MITF: variants seen among roughly 807,000 people sequenced by gnomAD.
MITF encodes the protein microphthalmia-associated transcription factor.
Under a neutral mutation model 60.5 loss-of-function variants are expected in MITF, and 17 were observed. The observed-to-expected ratio is 0.28, with a 90% CI of 0.19 to 0.42. The LOEUF (loss-of-function observed/expected upper bound fraction) is 0.42, where lower values mean the gene tolerates loss of function less well. Among genes scored for constraint, MITF ranks in the 10% least tolerant of loss-of-function variants. MITF has a pLI of 1.00. For missense variants in MITF, 622 were observed against 683.5 expected, an observed-to-expected ratio of 0.91 and a Z score of 1.00; for synonymous variants, 260 against 248.5, an observed-to-expected ratio of 1.05 and a Z score of -0.43.
At chr3:69,796,551 C>T (rs555698368) in intron 1 of MITF, among the ~76,000 whole-genome samples, 2 of 130,876 alleles carry the variant, frequency 1.5e-5, no homozygotes, top group African/African-American at 5.8e-5. Context: ...CCAGGCCGGA[C>T]TGCGGACTGC....
chr3:69,741,678 A>T (rs535182737), intron 1 of MITF, among the ~76,000 whole-genome samples: 37 of 152,356 alleles, frequency 2.4e-4, no homozygotes, highest in South Asian at 4.1e-4. Context: ...AGGCTAAATT[A>T]AAAAAGTTGT....
intron 1 of MITF, among the ~76,000 whole-genome samples, chr3:69,857,358 C>A (rs888017984): frequency 6.6e-6 from 1 of 151,942 alleles, no homozygotes; most frequent in Non-Finnish European, 1.5e-5. Context: ...CCCTGCCCCC[C>A]CCAGTTTCTT....
chr3:69,899,735 A>G (rs2064956136), intron 2 of MITF, among the ~76,000 whole-genome samples: 1 of 152,184 alleles, frequency 6.6e-6, no homozygotes, highest in Non-Finnish European at 1.5e-5. Context: ...AGTCTCCAAG[A>G]AGACTTGGAG....
chr3:69,936,990 T>G, intron 2 of MITF: 1 of 432,484 alleles, frequency 2.3e-6, no homozygotes, highest in Non-Finnish European at 4.1e-6. Context: ...CTAAACTATC[T>G]TCATCAGCTC....
intron 1 of MITF, among the ~76,000 whole-genome samples, chr3:69,860,339 G>A (rs988637820): frequency 1.3e-5 from 2 of 152,052 alleles, no homozygotes; most frequent in African/African-American, 2.4e-5. Flanking sequence ...GGGCGCGGTG[G>A]CTCACGCCTG....
At chr3:69,873,693 G>C (rs2064288500) in intron 1 of MITF, among the ~76,000 whole-genome samples, 1 of 152,170 alleles carries the variant, frequency 6.6e-6, no homozygotes, top group Admixed American at 6.6e-5. Flanking sequence ...GTGAGAAATG[G>C]AATGCGAATT....
intron 1 of MITF, among the ~76,000 whole-genome samples, chr3:69,855,551 G>A (rs1422052912): frequency 6.6e-6 from 1 of 151,776 alleles, no homozygotes; most frequent in Non-Finnish European, 1.5e-5. Context: ...CCGTAACTTT[G>A]TGTAATGATT....
chr3:69,964,325 G>GTCTAATGACGCGCATCTACC (rs376752769), intron 9 of MITF, among the ~76,000 whole-genome samples: 3 of 137,010 alleles, frequency 2.2e-5, no homozygotes, highest in Non-Finnish European at 4.8e-5. Context: ...TAATATCTGT[G>GTCTAATGACGCGCATCTACC]AGAGACCATC....
intron 1 of MITF, among the ~76,000 whole-genome samples, chr3:69,869,175 A>G (rs1197211053): frequency 1.3e-5 from 2 of 152,176 alleles, no homozygotes; most frequent in African/African-American, 4.8e-5. Flanking sequence ...CACCAACTTT[A>G]CTCACTGAAC....
chr3:69,911,332 C>T (rs2065220716), intron 2 of MITF, among the ~76,000 whole-genome samples: 1 of 152,108 alleles, frequency 6.6e-6, no homozygotes, highest in South Asian at 2.1e-4. Flanking sequence ...TAGATGGGCT[C>T]TTGCTATGTT....
At chr3:69,938,538 T>G (rs1441879604) in intron 3 of MITF, 1 of 1,432,426 alleles carries the variant, frequency 7.0e-7, no homozygotes, top group Non-Finnish European at 9.1e-7. Context: ...TTGAATCATA[T>G]AGCACATGAG....
chr3:69,836,263 T>A (rs1423920626), intron 1 of MITF, among the ~76,000 whole-genome samples: 1 of 152,212 alleles, frequency 6.6e-6, no homozygotes, highest in Non-Finnish European at 1.5e-5. Context: ...CTTGATTTAT[T>A]TTTCAGGTAG....
At chr3:69,937,367 T>G (rs780936984) in intron 2 of MITF, among the ~76,000 whole-genome samples, 23 of 115,024 alleles carry the variant, frequency 2.0e-4, no homozygotes, top group Admixed American at 8.9e-4. Context: ...CTTAAGGAGG[T>G]GTGTGTGTGT....
chr3:69,867,082 G>A (rs547300805), intron 1 of MITF, among the ~76,000 whole-genome samples: 5 of 152,152 alleles, frequency 3.3e-5, no homozygotes, highest in Non-Finnish European at 7.3e-5. Context: ...ACTGTTAGGT[G>A]ATAAGATTTG....
At chr3:69,870,006 T>C (rs2064193356) in intron 1 of MITF, among the ~76,000 whole-genome samples, 1 of 152,100 alleles carries the variant, frequency 6.6e-6, no homozygotes, top group Non-Finnish European at 1.5e-5. Flanking sequence ...GTGGTGTTCT[T>C]GGGGTTGTCT....
chr3:69,744,700 G>T (rs1455592134), intron 1 of MITF, among the ~76,000 whole-genome samples: 2 of 152,158 alleles, frequency 1.3e-5, no homozygotes, highest in Non-Finnish European at 2.9e-5. Flanking sequence ...CTTGACTGTG[G>T]TTGTCTTCTC....
intron 1 of MITF, among the ~76,000 whole-genome samples, chr3:69,873,628 A>G (rs982927850): frequency 2.6e-5 from 4 of 152,294 alleles, no homozygotes; most frequent in African/African-American, 9.6e-5. Context: ...CCCATCCAAC[A>G]TGTTGCATTC....
intron 4 of MITF, 51 bp from the exon 5 acceptor site, chr3:69,941,185 T>C: frequency 8.2e-7 from 1 of 1,219,994 alleles, no homozygotes; most frequent in Non-Finnish European, 1.2e-6. Context: ...TTAGGTTGTG[T>C]TGCATAGTTT....
rs2065911124 is a variant in MITF, at chr3:69,939,160, T to C, written c.645T>C (p.His215=). The part of the protein sequence containing the change: ...AESECPGMNT[H]SRASCMQMDD... ...GCGAGTGCCCAGGCATGAACACACA[T>C]TCACGAGCGTCCTGTATGCAGGTAC... The change falls in exon 4 of 10, where the codon CAT becomes CAC. Residue 215 remains histidine (H), a synonymous_variant. Transcript: ENST00000352241. The C allele has an allele frequency of 1.2e-6, 2 of 1,614,064 alleles. No individual in the cohort carries two copies. The highest frequency in any genetic ancestry group is 3.3e-5 in the Admixed American group (2 of 60,014).
Sources: gnomAD v4.1 joint callset for allele counts (sites outside exome capture counted in the v4.1 genomes callset) on GRCh38, gnomAD v4.1.1 for gene constraint, MANE v1.5 for transcripts, NCBI Gene and HGNC (gene_info 2026-07-23, HGNC 2026-07-21) for gene names.